Variants in SPAG16 observed in about 807,000 individuals in gnomAD.
The protein encoded by SPAG16 is sperm-associated antigen 16 protein.
SPAG16 carries 86 observed loss-of-function variants against 80.4 expected under a neutral mutation model. The ratio of observed to expected loss-of-function variants is 1.07; its 90% CI spans 0.90 to 1.28. SPAG16 has a LOEUF of 1.28. Ranked by LOEUF, SPAG16 falls within the 50% of genes most tolerant of loss-of-function variation. The pLI, the probability that SPAG16 is intolerant of heterozygous loss-of-function variation, is 0.00. For missense variants in SPAG16, 870 were observed against 765.3 expected, an observed-to-expected ratio of 1.14 and a Z score of -1.61; for synonymous variants, 294 against 265.9, an observed-to-expected ratio of 1.11 and a Z score of -1.03.
intron 13 of SPAG16, among the ~76,000 whole-genome samples, chr2:214,088,042 G>T (rs1437886150): frequency 6.6e-6 from 1 of 151,830 alleles, no homozygotes; most frequent in East Asian, 1.9e-4. Context: ...TGAAAAGGAA[G>T]AGGAATACAA....
intron 10 of SPAG16, among the ~76,000 whole-genome samples, chr2:213,854,206 T>C (rs4633869): frequency 0.34 from 52,203 of 152,022 alleles, 9,409 homozygotes; most frequent in South Asian, 0.45. Context: ...CATCGTTTAA[T>C]TGTAAATATC....
intron 10 of SPAG16, among the ~76,000 whole-genome samples, chr2:213,506,380 A>G (rs2074969384): frequency 6.6e-6 from 1 of 152,206 alleles, no homozygotes; most frequent in Non-Finnish European, 1.5e-5. Flanking sequence ...TATAAATTTC[A>G]TAATGCCAGG....
At chr2:214,355,043 T>C (rs1409876951) in intron 15 of SPAG16, among the ~76,000 whole-genome samples, 3 of 152,090 alleles carry the variant, frequency 2.0e-5, no homozygotes, top group Non-Finnish European at 4.4e-5. Context: ...AAGACTTAAA[T>C]GTTAGACCTA....
At chr2:214,407,079 G>A (rs1447906871) in intron 15 of SPAG16, among the ~76,000 whole-genome samples, 3 of 151,824 alleles carry the variant, frequency 2.0e-5, no homozygotes, top group South Asian at 4.2e-4. Context: ...AAAAAGCAAG[G>A]CATTTTTTAC....
chr2:213,369,203 C>T (rs1234696697), intron 8 of SPAG16, among the ~76,000 whole-genome samples: 4 of 152,058 alleles, frequency 2.6e-5, no homozygotes, highest in Non-Finnish European at 4.4e-5. Flanking sequence ...ATCTGTACAG[C>T]AGGAAATACT....
chr2:213,739,009 C>T (rs4673755), intron 10 of SPAG16, among the ~76,000 whole-genome samples: 143,556 of 152,294 alleles, frequency 0.94, 68,283 homozygotes, highest in East Asian at 1. Flanking sequence ...CTTACTTTTA[C>T]TTAAACAACT....
Position 214,334,310 on chromosome 2 carries a change from G to A in SPAG16, c.1721-75830G>A, listed in dbSNP as rs996984641. Among the ~76,000 whole-genome samples the A allele has an allele frequency of 4.6e-5, 7 of 152,284 alleles. 1 individual carries two copies. Among genetic ancestry groups the A allele is most frequent in the Middle Eastern group, 3.4e-3 (1 of 294 alleles). On this transcript the variant is annotated intron_variant, in intron 15 of 15. Coordinates refer to ENST00000331683, the MANE Select transcript of SPAG16 (RefSeq NM_024532.5). Reference sequence around the variant, plus strand: ...AGACTCAGTTCTTTGAATCATCTGCGAATAAGGGGAGTACTAAATTTAAGA... The same window carrying A: ...AGACTCAGTTCTTTGAATCATCTGCAAATAAGGGGAGTACTAAATTTAAGA...
At chr2:214,238,986 A>G (rs1689273192) in intron 15 of SPAG16, 1 of 152,194 alleles carries the variant, frequency 6.6e-6, no homozygotes. Context: ...TGAAATAGTT[A>G]CTTGCAGAAA....
At chr2:214,171,178 TTTCTGTACCTCAGAAAA>T (rs2056856329) in intron 15 of SPAG16, among the ~76,000 whole-genome samples, 1 of 151,872 alleles carries the variant, frequency 6.6e-6, no homozygotes, top group African/African-American at 2.4e-5. Flanking sequence ...AGGAGATAAT[TTTCTGTACCTCAGAAAA>T]TTCTGAGGTA....
At chr2:214,170,294 A>ACTTAGG (rs1576406255) in intron 15 of SPAG16, among the ~76,000 whole-genome samples, 3 of 151,498 alleles carry the variant, frequency 2.0e-5, no homozygotes, top group East Asian at 2.0e-4. Context: ...ATACATACAC[A>ACTTAGG]TATAAGATAT....
chr2:213,300,099 G>C (rs1175721438), intron 3 of SPAG16, among the ~76,000 whole-genome samples: 3 of 152,040 alleles, frequency 2.0e-5, no homozygotes, highest in African/African-American at 7.2e-5. Flanking sequence ...AATCTCAGAG[G>C]TCTTTTATAC....
At chr2:213,558,405 A>G (rs939141331) in intron 10 of SPAG16, among the ~76,000 whole-genome samples, 1 of 152,074 alleles carries the variant, frequency 6.6e-6, no homozygotes, top group Non-Finnish European at 1.5e-5. Flanking sequence ...AAATGCTTAT[A>G]ATAAAATATG....
At chr2:213,354,658 C>G (rs932908193) in intron 7 of SPAG16, among the ~76,000 whole-genome samples, 1 of 152,080 alleles carries the variant, frequency 6.6e-6, no homozygotes, top group Non-Finnish European at 1.5e-5. Flanking sequence ...CATTTTTTCA[C>G]GTTTCTGTTG....
chr2:214,368,435 TCACAAGTAG>T (rs1303423702), intron 15 of SPAG16, among the ~76,000 whole-genome samples: 1 of 152,116 alleles, frequency 6.6e-6, no homozygotes, highest in Admixed American at 6.6e-5. Context: ...TAGGTCATTT[TCACAAGTAG>T]AGACTTCATT....
chr2:214,282,735 G>A (rs1316625681), intron 15 of SPAG16, among the ~76,000 whole-genome samples: 1 of 152,144 alleles, frequency 6.6e-6, no homozygotes, highest in Non-Finnish European at 1.5e-5. Flanking sequence ...AGCCAGAAGT[G>A]AGCTCAATTT....
intron 12 of SPAG16, among the ~76,000 whole-genome samples, chr2:213,942,498 A>G (rs2079250756): frequency 6.6e-6 from 1 of 152,198 alleles, no homozygotes; most frequent in South Asian, 2.1e-4. Flanking sequence ...TCAATGATTT[A>G]TATTTCCCTT....
chr2:213,407,805 CAGAG>C (rs368016848), intron 9 of SPAG16, among the ~76,000 whole-genome samples: 3 of 90,080 alleles, frequency 3.3e-5, no homozygotes, highest in Non-Finnish European at 6.3e-5. Flanking sequence ...ACAGGAGAGG[CAGAG>C]AGAGAGAGAG....
At chr2:214,345,634 C>T (rs557414124) in intron 15 of SPAG16, among the ~76,000 whole-genome samples, 15 of 152,220 alleles carry the variant, frequency 9.9e-5, no homozygotes, top group Non-Finnish European at 1.9e-4. Context: ...GAAACCACTA[C>T]TCAAGTCTAA....
At chr2:213,578,657 T>C (rs985414686) in intron 10 of SPAG16, among the ~76,000 whole-genome samples, 1 of 152,108 alleles carries the variant, frequency 6.6e-6, no homozygotes, top group Admixed American at 6.6e-5. Context: ...CTACACTTTT[T>C]GGCTAAAATC....
Sources: gnomAD v4.1 joint callset for allele counts (sites outside exome capture counted in the v4.1 genomes callset) on GRCh38, gnomAD v4.1.1 for gene constraint, MANE v1.5 for transcripts, NCBI Gene and HGNC (gene_info 2026-07-23, HGNC 2026-07-21) for gene names.